SLC30A4: variants seen among roughly 807,000 people sequenced by gnomAD.
SLC30A4 encodes probable proton-coupled zinc antiporter SLC30A4.
A neutral mutation model predicts 41.7 loss-of-function variants in SLC30A4; 20 were observed. That is an observed-to-expected ratio of 0.48 (90% CI 0.34 to 0.70). The LOEUF (loss-of-function observed/expected upper bound fraction) is 0.70. Ranked by LOEUF, SLC30A4 falls within the 30% of genes least tolerant of loss-of-function variation. The pLI is 0.01. For synonymous variants in SLC30A4, 181 were observed against 195.9 expected, an observed-to-expected ratio of 0.92 and a Z score of 0.64; for missense variants, 441 against 529.3, an observed-to-expected ratio of 0.83 and a Z score of 1.64.
chr15:45,514,512 T>G (rs555739432), intron 2 of SLC30A4, among the ~76,000 whole-genome samples: 109 of 116,720 alleles, frequency 9.3e-4, no homozygotes, highest in African/African-American at 5.6e-3. Flanking sequence ...ATATTCCAAT[T>G]TTTTTTTTTT....
Position 45,522,636 on chromosome 15 carries a change from T to G in SLC30A4, c.-144A>C. The G allele has an allele frequency of 3.6e-6, 1 of 277,564 alleles. No individual in the cohort carries two copies. Among genetic ancestry groups the G allele is most frequent in the Non-Finnish European group, 6.6e-6 (1 of 150,680 alleles). 17.2% of individuals were successfully genotyped at this position (277,564 alleles called of 1,614,324 possible). A position where few individuals can be genotyped will look rare whatever the true frequency, so the allele number is the denominator to read the frequency against. ...GGCGCTGCCGCGGGGCCGCAACTCA[T>G]CTCCCCGCCCCCGGCCGGCTCAGCG... On this transcript the variant is annotated 5_prime_UTR_variant, in exon 1 of 8. The change abolishes an upstream ATG in the 5' untranslated region. Coordinates refer to ENST00000261867, the MANE Select transcript of SLC30A4 (RefSeq NM_013309.6).
At chr15:45,517,961 AAAC>A (rs1381381010) in intron 2 of SLC30A4, among the ~76,000 whole-genome samples, 1 of 152,198 alleles carries the variant, frequency 6.6e-6, no homozygotes, top group Non-Finnish European at 1.5e-5. Context: ...ATAAAAACAA[AAAC>A]AAAAACAAAA....
intron 3 of SLC30A4, among the ~76,000 whole-genome samples, chr15:45,498,347 G>A (rs746858308): frequency 2.0e-5 from 3 of 152,132 alleles, no homozygotes; most frequent in Admixed American, 6.6e-5. Flanking sequence ...CACCCCTAAT[G>A]AGAAAATTCA....
chr15:45,484,503 T>A lies in SLC30A4; in HGVS notation c.*660A>T, dbSNP rs1349997623. 1.3e-5 allele frequency: 2 copies of A among 152,230 alleles called. No homozygotes were observed. Among genetic ancestry groups the A allele is most frequent in the Non-Finnish European group, 1.5e-5 (1 of 68,040 alleles). 9.4% of individuals were successfully genotyped at this position (152,230 alleles called of 1,614,324 possible). On this transcript the variant is annotated 3_prime_UTR_variant, in exon 8 of 8. Transcript: ENST00000261867. ...TGACCACAATAAATAAAGATTTGGT[T>A]CTAAGATTACAAATAATGAAAAATG...
intron 4 of SLC30A4, 149 bp downstream of exon 4, chr15:45,490,579 A>G (rs2140816161): frequency 2.1e-6 from 1 of 476,202 alleles, no homozygotes; most frequent in African/African-American, 2.0e-5. Context: ...GGAATTTATA[A>G]CGTCCATAGT....
rs1891577821 is a variant in SLC30A4, at chr15:45,479,650, G to C, written c.*5513C>G. ...TTTTATTTCTTAAACATATAAGAGG[G>C]CATTATAAAATGACATTATAATTAT... On this transcript the variant is annotated 3_prime_UTR_variant, in exon 8 of 8. Coordinates refer to ENST00000261867, the MANE Select transcript of SLC30A4 (RefSeq NM_013309.6). 6.6e-6 allele frequency: 1 copy of C among 151,728 alleles called. No homozygotes were observed. The highest frequency in any genetic ancestry group is 2.4e-5 in the African/African-American group (1 of 41,304). The allele number at this position is 151,728 out of a possible 1,614,324, so 9.4% of individuals were successfully genotyped here.
intron 4 of SLC30A4, among the ~76,000 whole-genome samples, chr15:45,490,239 GA>G (rs1891784747): frequency 6.6e-6 from 1 of 151,960 alleles, no homozygotes; most frequent in Non-Finnish European, 1.5e-5. Flanking sequence ...CCATAGGCAC[GA>G]GCCACCGTGC....
At chr15:45,485,905 G>A (rs1027203100) in intron 7 of SLC30A4, among the ~76,000 whole-genome samples, 7 of 151,640 alleles carry the variant, frequency 4.6e-5, no homozygotes, top group African/African-American at 1.7e-4. Flanking sequence ...TTTTAGTAGA[G>A]ATGGGGTTTC....
chr15:45,514,249 TAGA>T (rs771370783), intron 2 of SLC30A4, among the ~76,000 whole-genome samples: 1 of 150,676 alleles, frequency 6.6e-6, no homozygotes, highest in African/African-American at 2.4e-5. Context: ...GGTGCTGAGG[TAGA>T]AGAATTACTT....
At position 45,485,178 on chromosome 15, in the gene SLC30A4, C is replaced by T; in HGVS notation, c.1275G>A (p.Gln425=). ...QEVDRTCANC[Q]SSSP ...ATACATAAAATTAGGGACTAGAACT[C>T]TGACAATTTGCACAAGTTCTGTCCA... The change falls in exon 8 of 8, where the codon CAG becomes CAA. Residue 425 remains glutamine, a synonymous_variant. Coordinates refer to ENST00000261867, the MANE Select transcript of SLC30A4 (RefSeq NM_013309.6). 6.2e-7 allele frequency: 1 copy of T among 1,612,220 alleles called. No individual in the cohort carries two copies. The highest frequency in any genetic ancestry group is 8.5e-7 in the Non-Finnish European group (1 of 1,179,416).
chr15:45,521,072 C>T (rs1380923090), intron 2 of SLC30A4: 12 of 439,736 alleles, frequency 2.7e-5, no homozygotes, highest in Admixed American at 1.9e-4. Flanking sequence ...TCCAGTCAAA[C>T]ATCTTAAATC....
chr15:45,486,502 C>T (rs1449975716), intron 7 of SLC30A4, 109 bp downstream of exon 7: 3 of 1,043,368 alleles, frequency 2.9e-6, no homozygotes, highest in Non-Finnish European at 4.1e-6. Flanking sequence ...TGTCTTAAAA[C>T]AAATCTTTTC....
chr15:45,501,158 A>G (rs574598853), intron 3 of SLC30A4, among the ~76,000 whole-genome samples: 1 of 151,828 alleles, frequency 6.6e-6, no homozygotes, highest in African/African-American at 2.4e-5. Flanking sequence ...ATACAAAAAA[A>G]TTAGCTGGGC....
chr15:45,502,957 G>C (rs1409016812), intron 3 of SLC30A4: 1 of 149,930 alleles, frequency 6.7e-6, no homozygotes, highest in Non-Finnish European at 1.5e-5. Context: ...TGGTGTCATT[G>C]TATTCCAGCC....
intron 2 of SLC30A4, among the ~76,000 whole-genome samples, chr15:45,513,201 CTTTT>C (rs539115300): frequency 1.5e-5 from 2 of 130,150 alleles, no homozygotes; most frequent in African/African-American, 2.8e-5. Context: ...ATTAATTAAA[CTTTT>C]TTTTTTTTTT....
chr15:45,480,811 G>A lies in SLC30A4; in HGVS notation c.*4352C>T, dbSNP rs768496333. 5.9e-5 allele frequency: 9 copies of A among 152,238 alleles called. No homozygotes were observed. Among genetic ancestry groups the A allele is most frequent in the Non-Finnish European group, 1.3e-4 (9 of 68,044 alleles). 9.4% of individuals were successfully genotyped at this position (152,238 alleles called of 1,614,324 possible). ...GTCTACAAAAGCTGTGAGAGTGGCT[G>A]AGAAACACGACCCAAAGTCTTCTTA... is the stretch of plus-strand genomic sequence containing the variant. On this transcript the variant is annotated 3_prime_UTR_variant, in exon 8 of 8. Coordinates refer to ENST00000261867, the MANE Select transcript of SLC30A4 (RefSeq NM_013309.6).
chr15:45,501,232 T>C (rs774229784), intron 3 of SLC30A4, among the ~76,000 whole-genome samples: 32 of 151,590 alleles, frequency 2.1e-4, no homozygotes, highest in Non-Finnish European at 2.9e-4. Context: ...GGCGTGAACC[T>C]GGGAGGCGGA....
intron 2 of SLC30A4, among the ~76,000 whole-genome samples, chr15:45,514,942 C>T (rs1892421408): frequency 6.6e-6 from 1 of 152,040 alleles, no homozygotes; most frequent in Non-Finnish European, 1.5e-5. Flanking sequence ...TGCAGTGGCA[C>T]AACTGTGGCT....
In SLC30A4 at chr15:45,487,527, C is replaced by T. The variant is rs754310256; in HGVS notation, c.1000G>A (p.Gly334Ser). The part of the protein sequence containing the change: ...IWDTVVIILE[G>S]VPSHLNVDYI... ...TAATGAGGATATAGTGAGATCTTAC[C>T]TTCTAGTATTATAACTACTGTATCC... Residue 334 changes from glycine (G) to serine (S), a missense_variant and splice_region_variant, in exon 6 of 8, where the codon GGT (glycine) becomes AGT (serine). By Grantham distance (56) the Gly-to-Ser change is moderately conservative (BLOSUM62 0). This residue lies in a region of SLC30A4 where 100 missense variants were observed against 121.0 expected (regional missense o/e 0.83). Coordinates refer to ENST00000261867, the MANE Select transcript of SLC30A4 (RefSeq NM_013309.6). The T allele has an allele frequency of 3.6e-6, 5 of 1,374,534 alleles. No individual in the cohort carries two copies. The Admixed American group carries it at 8.4e-5, about 23-fold the overall frequency. The allele number at this position is 1,374,534 out of a possible 1,614,324, so 85.1% of individuals were successfully genotyped here. A position where few individuals can be genotyped will look rare whatever the true frequency, so the allele number is the denominator to read the frequency against.
Sources: allele counts gnomAD v4.1 joint callset (sites outside exome capture counted in the v4.1 genomes callset), GRCh38; gene constraint gnomAD v4.1.1; regional missense constraint gnomAD v4.1.1; transcripts MANE v1.5; gene names NCBI Gene and HGNC (gene_info 2026-07-23, HGNC 2026-07-21).